The following GMDS variants were observed in gnomAD, a reference collection of about 807,000 sequenced individuals.
The protein encoded by GMDS is GDP-mannose 4,6 dehydratase.
Under a neutral mutation model 49.9 loss-of-function variants are expected in GMDS, and 20 were observed. That is an observed-to-expected ratio of 0.40 (90% confidence interval 0.28 to 0.58). GMDS has a LOEUF of 0.58. Among genes scored for constraint, GMDS ranks in the 20% least tolerant of loss-of-function variants. The pLI, the probability that GMDS is intolerant of heterozygous loss-of-function variation, is 0.42. For missense variants in GMDS, 362 were observed against 481.4 expected, an observed-to-expected ratio of 0.75 and a Z score of 2.32; for synonymous variants, 177 against 178.6, an observed-to-expected ratio of 0.99 and a Z score of 0.07.
intron 4 of GMDS, among the ~76,000 whole-genome samples, chr6:2,018,955 A>G (rs1159930008): frequency 6.6e-6 from 1 of 152,092 alleles, no homozygotes; most frequent in Non-Finnish European, 1.5e-5. Context: ...TCACACCAGC[A>G]GTGTATGAAA....
chr6:2,170,626 T>TA (rs1225913616), intron 1 of GMDS, among the ~76,000 whole-genome samples: 57 of 142,702 alleles, frequency 4.0e-4, no homozygotes, highest in African/African-American at 9.9e-4. Context: ...GACCCTGCCT[T>TA]AAAAAAAAAT....
intron 4 of GMDS, among the ~76,000 whole-genome samples, chr6:2,065,001 C>T (rs923674609): frequency 6.6e-6 from 1 of 152,128 alleles, no homozygotes; most frequent in Non-Finnish European, 1.5e-5. Flanking sequence ...CAGCAGTAAC[C>T]TCTGCAGACT....
At chr6:1,624,922 A>T (rs934787964) in intron 9 of GMDS, among the ~76,000 whole-genome samples, 15 of 136,212 alleles carry the variant, frequency 1.1e-4, no homozygotes, top group African/African-American at 4.2e-4. Context: ...TCTGGCTAGG[A>T]GGGAAGTGAG....
chr6:1,936,704 C>A (rs75582588), intron 6 of GMDS, among the ~76,000 whole-genome samples: 1,763 of 152,234 alleles, frequency 0.012, 42 homozygotes, highest in African/African-American at 0.039. Flanking sequence ...CAGTGGCTCA[C>A]GCCTGTAATC....
chr6:1,756,815 G>A (rs144499656), intron 7 of GMDS, among the ~76,000 whole-genome samples: 5 of 152,324 alleles, frequency 3.3e-5, no homozygotes, highest in Admixed American at 6.5e-5. Flanking sequence ...TCTTTACGTG[G>A]TGGCTGCTTC....
At chr6:1,974,147 A>T (rs1764766522) in intron 4 of GMDS, among the ~76,000 whole-genome samples, 1 of 150,544 alleles carries the variant, frequency 6.6e-6, no homozygotes, top group East Asian at 1.9e-4. Flanking sequence ...TAGAAGGAAT[A>T]TTAAAAAAAA....
At chr6:2,214,183 TC>T (rs1329225445) in intron 1 of GMDS, among the ~76,000 whole-genome samples, 2 of 152,218 alleles carry the variant, frequency 1.3e-5, no homozygotes, top group Non-Finnish European at 2.9e-5. Flanking sequence ...TTCCATGAAT[TC>T]ATAATGGTAC....
chr6:1,729,116 G>A (rs1288929168), intron 8 of GMDS, among the ~76,000 whole-genome samples: 2 of 152,178 alleles, frequency 1.3e-5, no homozygotes, highest in Non-Finnish European at 2.9e-5. Context: ...GCAGTGGCCT[G>A]CACGGCTAGA....
At chr6:2,237,114 T>A (rs941134610) in intron 1 of GMDS, among the ~76,000 whole-genome samples, 4 of 152,196 alleles carry the variant, frequency 2.6e-5, no homozygotes, top group African/African-American at 9.7e-5. Flanking sequence ...TCACTGCATA[T>A]AAAATCATCT....
chr6:2,067,659 A>C (rs1357265081), intron 4 of GMDS, among the ~76,000 whole-genome samples: 4 of 152,098 alleles, frequency 2.6e-5, no homozygotes, highest in Non-Finnish European at 4.4e-5. Context: ...AAACTAGAAA[A>C]TCTAGAAGAA....
intron 1 of GMDS, among the ~76,000 whole-genome samples, chr6:2,195,820 C>CAAAA (rs34797269): frequency 9.2e-6 from 1 of 108,330 alleles, no homozygotes. Flanking sequence ...TTGTCTCTAC[C>CAAAA]AAAAAAAAAA....
intron 7 of GMDS, among the ~76,000 whole-genome samples, chr6:1,817,132 C>T: frequency 6.6e-6 from 1 of 150,610 alleles, no homozygotes; most frequent in East Asian, 1.9e-4. Context: ...CACACACTCA[C>T]ATAACACACA....
intron 1 of GMDS, among the ~76,000 whole-genome samples, chr6:2,220,052 G>T (rs531194008): frequency 2.0e-5 from 3 of 152,158 alleles, no homozygotes. Context: ...TTATTCAAGG[G>T]CTAGGGCAGT....
chr6:1,829,208 A>G (rs751921380), intron 7 of GMDS, among the ~76,000 whole-genome samples: 1 of 152,168 alleles, frequency 6.6e-6, no homozygotes, highest in African/African-American at 2.4e-5. Context: ...GTATAAGTGA[A>G]CCTGCACAGT....
intron 7 of GMDS, among the ~76,000 whole-genome samples, chr6:1,849,901 AAAAAAAGT>A (rs1486022242): frequency 1.3e-5 from 2 of 152,160 alleles, no homozygotes; most frequent in African/African-American, 2.4e-5. Context: ...AATTGCTCAG[AAAAAAAGT>A]GGGTGTTTTT....
intron 8 of GMDS, among the ~76,000 whole-genome samples, chr6:1,738,226 CAAAA>C (rs912431667): frequency 6.6e-6 from 1 of 152,056 alleles, no homozygotes; most frequent in Non-Finnish European, 1.5e-5. Context: ...CAGATGCTAT[CAAAA>C]GAAAGCAGTT....
intron 7 of GMDS, among the ~76,000 whole-genome samples, chr6:1,891,751 T>C (rs543375297): frequency 3.9e-5 from 6 of 152,210 alleles, no homozygotes; most frequent in Non-Finnish European, 8.8e-5. Context: ...AAATGAGACC[T>C]CTGGGAGTGA....
At chr6:1,948,287 C>T (rs1010425543) in intron 6 of GMDS, among the ~76,000 whole-genome samples, 10 of 152,098 alleles carry the variant, frequency 6.6e-5, no homozygotes, top group Admixed American at 3.9e-4. Flanking sequence ...TTGACTCAAA[C>T]TAAATTTCAA....
chr6:1,914,123 T>G (rs1207794033), intron 7 of GMDS, among the ~76,000 whole-genome samples: 3 of 142,986 alleles, frequency 2.1e-5, no homozygotes, highest in African/African-American at 5.3e-5. Flanking sequence ...TGAAAGCGTT[T>G]TTTGTTTGTT....
Sources: allele counts gnomAD v4.1 joint callset (sites outside exome capture counted in the v4.1 genomes callset), GRCh38; gene constraint gnomAD v4.1.1; transcripts MANE v1.5; gene names NCBI Gene and HGNC (gene_info 2026-07-23, HGNC 2026-07-21).